Variants in CSNK1D observed in about 807,000 individuals in gnomAD.
CSNK1D encodes casein kinase 1 delta.
In CSNK1D, 16 loss-of-function variants were observed where a neutral mutation model predicts 46.6. The observed-to-expected ratio is 0.34, with a 90% CI of 0.23 to 0.52. The LOEUF (loss-of-function observed/expected upper bound fraction) is 0.52. Ranked by LOEUF, CSNK1D falls within the 20% of genes least tolerant of loss-of-function variation. The pLI, the probability that CSNK1D is intolerant of heterozygous loss-of-function variation, is 0.95. For synonymous variants in CSNK1D, 276 were observed against 228.2 expected, an observed-to-expected ratio of 1.21 and a Z score of -1.89; for missense variants, 398 against 578.4, an observed-to-expected ratio of 0.69 and a Z score of 3.20.
At position 82,249,750 on chromosome 17, in the gene CSNK1D, T is replaced by C; in HGVS notation, c.886-148A>G. The C allele has an allele frequency of 6.7e-7, 1 of 1,492,308 alleles. No individual in the cohort carries two copies. Among genetic ancestry groups the C allele is most frequent in the Non-Finnish European group, 8.9e-7 (1 of 1,122,932 alleles). The allele number at this position is 1,492,308 out of a possible 1,614,324, so 92.4% of individuals were successfully genotyped here. On this transcript the variant is annotated intron_variant, in intron 6 of 8. Coordinates refer to ENST00000314028, the MANE Select transcript of CSNK1D (RefSeq NM_001893.6). This position sits in a 1 kb window ranked among gnomAD's most constrained non-coding sequence, Gnocchi z 6.7. ...CAAAGCCCCCCACAGGCTGCACGTTTCTCCTCATGGGATGACAGCATCATC... is the reference window on the plus strand; with the variant it reads ...CAAAGCCCCCCACAGGCTGCACGTTCCTCCTCATGGGATGACAGCATCATC...
intron 8 of CSNK1D, chr17:82,245,100 G>A (rs1599573223): frequency 3.4e-6 from 2 of 591,600 alleles, no homozygotes. Context: ...GATCCGAGTG[G>A]AGCGGAGACG....
Position 82,251,871 on chromosome 17 carries a change from G to A in CSNK1D, c.737-344C>T, listed in dbSNP as rs1030811041. On this transcript the variant is annotated intron_variant, in intron 5 of 8. Transcript: ENST00000314028. The surrounding 1 kb of genome is among the most constrained non-coding windows in gnomAD (Gnocchi z 4.5). ...TTCTAGAGCGTGGTGGCGGGCGCCT[G>A]TAGTCCCAGCTACCGGGGAGGCTGA... The A allele has an allele frequency of 2.3e-5, 8 of 350,630 alleles. No homozygotes were observed. The highest frequency in any genetic ancestry group is 7.4e-5 in the East Asian group (1 of 13,436). The allele number at this position is 350,630 out of a possible 1,614,324, so 21.7% of individuals were successfully genotyped here. A position where few individuals can be genotyped will look rare whatever the true frequency, so the allele number is the denominator to read the frequency against.
rs2050794588 is a variant in CSNK1D at position 82,244,261 on chromosome 17, C to T, written c.*520G>A. On this transcript the variant is annotated 3_prime_UTR_variant, in exon 9 of 9. Transcript: ENST00000314028. ...CCTGCACCTTCTCCCTGCCCGACTCCACCTCATACACTAACTCCAAGCCAG... is the reference window on the plus strand; with the variant it reads ...CCTGCACCTTCTCCCTGCCCGACTCTACCTCATACACTAACTCCAAGCCAG... 1.8e-6 allele frequency: 2 copies of T among 1,087,222 alleles called. No homozygotes were observed. The highest frequency in any genetic ancestry group is 2.2e-6 in the Non-Finnish European group (2 of 889,088). The allele number at this position is 1,087,222 out of a possible 1,614,324, so 67.3% of individuals were successfully genotyped here.
chr17:82,243,920 G>A lies in CSNK1D; in HGVS notation c.*861C>T. The A allele has an allele frequency of 1.0e-6, 1 of 985,850 alleles. No individual in the cohort carries two copies. The highest frequency in any genetic ancestry group is 4.7e-5 in the South Asian group (1 of 21,338). The allele number at this position is 985,850 out of a possible 1,614,324, so 61.1% of individuals were successfully genotyped here. On this transcript the variant is annotated 3_prime_UTR_variant, in exon 9 of 9. Transcript: ENST00000314028. ...CCAATTGTCCTGCTAGGGTCTCAAA[G>A]CCTCTGCTTCCAAGCTCTCAGCTGC... is the stretch of plus-strand genomic sequence containing the variant.
chr17:82,261,544 C>A (rs1201255173), intron 2 of CSNK1D, among the ~76,000 whole-genome samples: 5 of 152,060 alleles, frequency 3.3e-5, no homozygotes, highest in African/African-American at 1.2e-4. Flanking sequence ...AGCAGTTGAA[C>A]CCTAAAATGA....
At chr17:82,269,824 T>C (rs1234536812) in intron 1 of CSNK1D, among the ~76,000 whole-genome samples, 1 of 152,318 alleles carries the variant, frequency 6.6e-6, no homozygotes, top group South Asian at 2.1e-4. Flanking sequence ...AGCTGAACAG[T>C]CCTCTTCCGC....
chr17:82,245,836 A>C, intron 8 of CSNK1D: 1 of 863,226 alleles, frequency 1.2e-6, no homozygotes, highest in South Asian at 1.5e-5. Context: ...CCCCACAAGA[A>C]GAACAGAGCA....
chr17:82,264,002 G>A (rs1423170480), intron 2 of CSNK1D, among the ~76,000 whole-genome samples: 1 of 152,208 alleles, frequency 6.6e-6, no homozygotes, highest in African/African-American at 2.4e-5. Context: ...GCCCCTCTCT[G>A]TAACGGGTTC....
At chr17:82,246,278 G>A in intron 8 of CSNK1D, 1 of 1,422,762 alleles carries the variant, frequency 7.0e-7, no homozygotes, top group Non-Finnish European at 9.2e-7. Flanking sequence ...CAATGGCATG[G>A]GACAGGCCCT....
rs2051679379 is a variant in CSNK1D at position 82,273,112 on chromosome 17, G to A, written c.76+194C>T. On this transcript the variant is annotated intron_variant, in intron 1 of 8. Coordinates refer to ENST00000314028, the MANE Select transcript of CSNK1D (RefSeq NM_001893.6). This position sits in a 1 kb window ranked among gnomAD's most constrained non-coding sequence, Gnocchi z 5.1. ...CGACCTGGTCCTGCCCCTCCCCCAC[G>A]TCCGCTCCCCACTGCCCTCCCCACC... 9 of 123,842 alleles carry A rather than the reference G, an allele frequency of 7.3e-5. No homozygotes were observed. The highest frequency in any genetic ancestry group is 1.2e-4 in the South Asian group (1 of 8,524). 7.7% of individuals were successfully genotyped at this position (123,842 alleles called of 1,614,324 possible).
chr17:82,252,944 C>T lies in CSNK1D; in HGVS notation c.565+72G>A. 7.2e-7 allele frequency: 1 copy of T among 1,390,806 alleles called. No homozygotes were observed. The allele number at this position is 1,390,806 out of a possible 1,614,324, so 86.2% of individuals were successfully genotyped here. A position where few individuals can be genotyped will look rare whatever the true frequency, so the allele number is the denominator to read the frequency against. On this transcript the variant is annotated intron_variant, in intron 4 of 8. Transcript: ENST00000314028. The surrounding 1 kb of genome is among the most constrained non-coding windows in gnomAD (Gnocchi z 4.6). ...CAGCCCCAGCTCCCCGAGAGGCTGG[C>T]CTCTCCCTGGGCTGAGGCATGGACG...
At position 82,249,467 on chromosome 17, in the gene CSNK1D, C is replaced by T; in HGVS notation, c.1021G>A (p.Ala341Thr). 6.5e-7 allele frequency: 1 copy of T among 1,540,844 alleles called. No homozygotes were observed. The highest frequency in any genetic ancestry group is 1.2e-5 in the South Asian group (1 of 83,968). The change falls in exon 7 of 9, where the codon GCT becomes ACT. Residue 341 changes from alanine (A) to threonine (T), a missense_variant. By Grantham distance (58) the Ala-to-Thr change is moderately conservative. Around this residue, in one of 2 missense-constraint regions of CSNK1D, gnomAD observed 181 missense variants for 208.0 expected, o/e 0.87. Transcript: ENST00000314028. The surrounding 1 kb of genome is among the most constrained non-coding windows in gnomAD (Gnocchi z 6.7). ...SGRLRGTQEV[A>T]PPTPLTPTSH... ...GTAGGGGTGAGGGGTGTGGGGGGAG[C>T]CACTTCCTGCGTCCCCCGCAGGCGG...
At position 82,252,896 on chromosome 17, in the gene CSNK1D, G is replaced by A. The variant is rs1048328176; in HGVS notation, c.565+120C>T. 6.2e-5 allele frequency: 59 copies of A among 958,802 alleles called. No homozygotes were observed. Among genetic ancestry groups the A allele is most frequent in the Middle Eastern group, 2.6e-4 (1 of 3,802 alleles). The allele number at this position is 958,802 out of a possible 1,614,324, so 59.4% of individuals were successfully genotyped here. A position where few individuals can be genotyped will look rare whatever the true frequency, so the allele number is the denominator to read the frequency against. On this transcript the variant is annotated intron_variant, in intron 4 of 8. Coordinates refer to ENST00000314028, the MANE Select transcript of CSNK1D (RefSeq NM_001893.6). The surrounding 1 kb of genome is among the most constrained non-coding windows in gnomAD (Gnocchi z 4.6). ...GCAGTCACGAGCCAGCCTGTCTGCC[G>A]CAAAGGTCTGATGACACGCTTGCAG...
In CSNK1D at chr17:82,255,343, C is replaced by G. The variant is rs1488949071; in HGVS notation, c.336+86G>C. The G allele has an allele frequency of 2.7e-6, 4 of 1,483,272 alleles. No individual in the cohort carries two copies. The highest frequency in any genetic ancestry group is 1.1e-5 in the South Asian group (1 of 88,144). The allele number at this position is 1,483,272 out of a possible 1,614,324, so 91.9% of individuals were successfully genotyped here. ...TTCCATTTCCTCTGTGAATTAATGG[C>G]CATAATAATGGCAAGAACAGCACAA... On this transcript the variant is annotated intron_variant, in intron 3 of 8. Coordinates refer to ENST00000314028, the MANE Select transcript of CSNK1D (RefSeq NM_001893.6). The surrounding 1 kb of genome is among the most constrained non-coding windows in gnomAD (Gnocchi z 5.9).
intron 1 of CSNK1D, among the ~76,000 whole-genome samples, chr17:82,268,580 G>T (rs1413940299): frequency 1.3e-5 from 2 of 152,234 alleles, no homozygotes; most frequent in African/African-American, 4.8e-5. Context: ...CTGGGTGTCA[G>T]ATTCAAAACA....
chr17:82,246,457 A>C (rs2050852599), intron 8 of CSNK1D: 1 of 1,133,456 alleles, frequency 8.8e-7, no homozygotes, highest in Non-Finnish European at 1.1e-6. Flanking sequence ...GATCAAAGCG[A>C]GTCATCGACT....
intron 8 of CSNK1D, chr17:82,247,639 T>C (rs1171530431): frequency 2.0e-6 from 2 of 985,284 alleles, no homozygotes; most frequent in African/African-American, 3.5e-5. Flanking sequence ...TCACAGGAAC[T>C]GATGCGCAAG....
In CSNK1D at chr17:82,244,077, AT is replaced by A. The variant is rs1356406620; in HGVS notation, c.*703del. On this transcript the variant is annotated 3_prime_UTR_variant, in exon 9 of 9. Transcript: ENST00000314028. ...AGAGTTCCTGACAGCAGGCATGTCA[AT>A]TACGGGAGGAGGGAGGGTGAGACGC... 1.0e-6 allele frequency: 1 copy of A among 990,192 alleles called. No homozygotes were observed. Among genetic ancestry groups the A allele is most frequent in the Admixed American group, 5.8e-5 (1 of 17,156 alleles). 61.3% of individuals were successfully genotyped at this position (990,192 alleles called of 1,614,324 possible). A position where few individuals can be genotyped will look rare whatever the true frequency, so the allele number is the denominator to read the frequency against.
At chr17:82,253,630 G>A (rs2051071848) in intron 3 of CSNK1D, 2 of 356,664 alleles carry the variant, frequency 5.6e-6, no homozygotes, top group Non-Finnish European at 1.1e-5. Context: ...AGAGACTGAG[G>A]AACCCACTGA....
Sources: gnomAD v4.1 joint callset for allele counts (sites outside exome capture counted in the v4.1 genomes callset) on GRCh38, gnomAD v4.1.1 for gene constraint, gnomAD v4.1.1 regional missense constraint, Gnocchi (gnomAD v3.1) non-coding constraint, MANE v1.5 for transcripts, NCBI Gene and HGNC (gene_info 2026-07-23, HGNC 2026-07-21) for gene names.